The following ZNF217 variants were observed in gnomAD, a reference collection of about 807,000 sequenced individuals.
The protein encoded by ZNF217 is zinc finger protein 217.
Under a neutral mutation model 73.3 loss-of-function variants are expected in ZNF217, and 12 were observed. That is an observed-to-expected ratio of 0.16 (90% CI 0.10 to 0.27). The LOEUF is 0.27. Among genes scored for constraint, ZNF217 ranks in the 10% least tolerant of loss-of-function variants. The probability of loss-of-function intolerance (pLI) is 1.00; values close to 1 mark genes in which losing one functional copy is unlikely to be tolerated. For missense variants in ZNF217, 1,195 were observed against 1,327.8 expected (o/e 0.90, Z 1.55); for synonymous variants, 588 against 516.4 (o/e 1.14, Z -1.88).
intron 4 of ZNF217, among the ~76,000 whole-genome samples, chr20:53,573,260 A>G (rs949465798): frequency 6.6e-6 from 1 of 151,714 alleles, no homozygotes; most frequent in Non-Finnish European, 1.5e-5. Context: ...AGTAGCTGGG[A>G]TTACAGGCAT....
intron 1 of ZNF217, among the ~76,000 whole-genome samples, chr20:53,592,336 G>C (rs1398401750): frequency 6.6e-6 from 1 of 151,646 alleles, no homozygotes; most frequent in African/African-American, 2.4e-5. Flanking sequence ...TTTCGAGGTA[G>C]AACAATACAC....
intron 5 of ZNF217, chr20:53,570,401 G>GTA (rs1194994771): frequency 2.0e-5 from 3 of 152,938 alleles, no homozygotes; most frequent in African/African-American, 7.2e-5. Context: ...TTTCATCTTC[G>GTA]TATCCTAGCA....
rs1032480163 is a variant in ZNF217 at position 53,582,686 on chromosome 20, T to A, written c.141A>T (p.Pro47=). ...ALSMKGTAVV[P]FRATQEKNVI... is the part of the protein sequence containing the mutation. ...CATTTTTTTCTTGTGTAGCTCGGAA[T>A]GGAACAACAGCGGTCCCTTTCATTG... The change falls in exon 2 of 6, where the codon CCA becomes CCT. Residue 47 remains proline (P), a synonymous_variant. Coordinates refer to ENST00000371471, the MANE Select transcript of ZNF217 (RefSeq NM_006526.3). The surrounding 1 kb of genome is among the most constrained non-coding windows in gnomAD (Gnocchi z 4.8). 1.2e-6 allele frequency: 2 copies of A among 1,614,202 alleles called. No homozygotes were observed. Among genetic ancestry groups the A allele is most frequent in the Non-Finnish European group, 8.5e-7 (1 of 1,180,030 alleles).
upstream of ZNF217, among the ~76,000 whole-genome samples, chr20:53,594,561 C>T (rs1444108799): frequency 6.6e-6 from 1 of 151,808 alleles, no homozygotes; most frequent in Non-Finnish European, 1.5e-5. Flanking sequence ...CCCCCCGCCC[C>T]GCACCCCTCC....
upstream of ZNF217, among the ~76,000 whole-genome samples, chr20:53,596,411 C>T (rs1989043278): frequency 6.6e-6 from 1 of 152,144 alleles, no homozygotes; most frequent in Non-Finnish European, 1.5e-5. Flanking sequence ...ACTGGGAAAT[C>T]GTTGCAAAAT....
Position 53,576,773 on chromosome 20 carries a change from T to C in ZNF217, c.1991A>G (p.Lys664Arg), listed in dbSNP as rs1393197465. 1 of 1,614,218 alleles carries C rather than the reference T, an allele frequency of 6.2e-7. No homozygotes were observed. The highest frequency in any genetic ancestry group is 1.7e-5 in the Admixed American group (1 of 60,024). The change falls in exon 4 of 6, where the codon AAA (lysine) becomes AGA (arginine). Residue 664 changes from lysine to arginine, a missense_variant. This residue lies in a region of ZNF217 where 649 missense variants were observed against 642.8 expected (regional missense o/e 1.01). Transcript: ENST00000371471. ...AGCTGCGGTCTCCGTTTGCTTCTCT[T>C]TGGGGCTAACTTCAAGGTTATGGGT... is the stretch of plus-strand genomic sequence containing the variant. ...STTHNLEVSP[K>R]EKQTETAADC...
chr20:53,582,464 C>A lies in ZNF217; in HGVS notation c.363G>T (p.Lys121Asn), dbSNP rs776939575. 1.9e-6 allele frequency: 3 copies of A among 1,614,180 alleles called. No individual in the cohort carries two copies. Among genetic ancestry groups the A allele is most frequent in the African/African-American group, 1.3e-5 (1 of 75,042 alleles). The change falls in exon 2 of 6, where the codon AAG becomes AAT. Residue 121 changes from lysine to asparagine, a missense_variant. Transcript: ENST00000371471. This position sits in a 1 kb window ranked among gnomAD's most constrained non-coding sequence, Gnocchi z 4.8. ...SQVRTEPPKE[K>N]NCKENEFSCE... ...AGCTAAATTCATTTTCCTTGCAATT[C>A]TTTTCCTTGGGAGGTTCTGTTCGCA...
In ZNF217 at chr20:53,576,551, T is replaced by C; in HGVS notation, c.2213A>G (p.Asp738Gly). ...HQRLEHKYNP[D>G]VHKNCRNKSL... ...CTTGTTTCGACAGTTTTTATGAACG[T>C]CAGGATTGTATTTATGCTCCAGTCT... Residue 738 changes from aspartate (D) to glycine (G), a missense_variant, in exon 4 of 6, where the codon GAC becomes GGC. This residue lies in a region of ZNF217 where 649 missense variants were observed against 642.8 expected (regional missense o/e 1.01). Transcript: ENST00000371471. 1 of 1,614,230 alleles carries C rather than the reference T, an allele frequency of 6.2e-7. No homozygotes were observed. Among genetic ancestry groups the C allele is most frequent in the Non-Finnish European group, 8.5e-7 (1 of 1,180,044 alleles).
At chr20:53,577,768 G>A (rs1396456386) in intron 3 of ZNF217, among the ~76,000 whole-genome samples, 1 of 152,294 alleles carries the variant, frequency 6.6e-6, no homozygotes, top group East Asian at 1.9e-4. Context: ...CTTTTAATAA[G>A]ATAAGAGTCA....
intron 1 of ZNF217, among the ~76,000 whole-genome samples, chr20:53,584,395 C>T (rs3762235): frequency 0.11 from 16,231 of 152,234 alleles, 893 homozygotes; most frequent in South Asian, 0.18. Context: ...CTTTACACTC[C>T]GAAATAGAAA....
chr20:53,577,592 G>C (rs961113182), intron 3 of ZNF217, among the ~76,000 whole-genome samples: 1 of 152,138 alleles, frequency 6.6e-6, no homozygotes. Context: ...TAAATAACTT[G>C]CCCAAGGGTG....
At chr20:53,586,526 G>A (rs887360315) in intron 1 of ZNF217, among the ~76,000 whole-genome samples, 1 of 151,894 alleles carries the variant, frequency 6.6e-6, no homozygotes, top group Non-Finnish European at 1.5e-5. Flanking sequence ...CAAAAATGCT[G>A]GGCATCCTAG....
Position 53,576,991 on chromosome 20 carries a change from G to A in ZNF217, c.1773C>T (p.Val591=), listed in dbSNP as rs1184943261. ...SVFQNVLGSA[V]LSPAHKDTQD... ...GAGTATCTTTGTGTGCTGGTGAGAGGACAGCGCTGCCCAGAACATTCTGAA... is the reference window on the plus strand; with the variant it reads ...GAGTATCTTTGTGTGCTGGTGAGAGAACAGCGCTGCCCAGAACATTCTGAA... Residue 591 remains valine, a synonymous_variant, in exon 4 of 6, where the codon GTC becomes GTT. Coordinates refer to ENST00000371471, the MANE Select transcript of ZNF217 (RefSeq NM_006526.3). 1.9e-6 allele frequency: 3 copies of A among 1,614,072 alleles called. No homozygotes were observed. Among genetic ancestry groups the A allele is most frequent in the African/African-American group, 2.7e-5 (2 of 74,932 alleles).
At position 53,582,859 on chromosome 20, in the gene ZNF217, A is replaced by ATTCC. The variant is rs763773029; in HGVS notation, c.-34_-33insGGAA. ...CAAAGTTCCGTTGGGCAATTTCTGG[A>ATTCC]GTTGGAATAAGGCCACTTGTAAGAC... On this transcript the variant is annotated 5_prime_UTR_variant, in exon 2 of 6. Coordinates refer to ENST00000371471, the MANE Select transcript of ZNF217 (RefSeq NM_006526.3). This position sits in a 1 kb window ranked among gnomAD's most constrained non-coding sequence, Gnocchi z 4.8. 11 of 1,562,556 alleles carry ATTCC rather than the reference A, an allele frequency of 7.0e-6. No homozygotes were observed. In the South Asian group the frequency reaches 1.3e-4, roughly 19 times the overall value.
At chr20:53,588,155 C>G (rs376072048) in intron 1 of ZNF217, among the ~76,000 whole-genome samples, 209 of 151,976 alleles carry the variant, frequency 1.4e-3, no homozygotes, top group East Asian at 2.1e-3. Context: ...GACCAAAGTA[C>G]TATAAAAATA....
At chr20:53,583,870 G>A (rs1402457029) in intron 1 of ZNF217, among the ~76,000 whole-genome samples, 4 of 152,200 alleles carry the variant, frequency 2.6e-5, no homozygotes, top group Admixed American at 6.5e-5. Flanking sequence ...TGCTTTCAAC[G>A]ACTTTCTGCC....
chr20:53,577,823 C>T (rs1223698800), intron 3 of ZNF217, among the ~76,000 whole-genome samples: 4 of 152,202 alleles, frequency 2.6e-5, no homozygotes, highest in Admixed American at 6.5e-5. Flanking sequence ...TGTCCGGGCG[C>T]GGTGGCTCAC....
rs1251952232 is a variant in ZNF217, at chr20:53,567,958, A to G, written c.*1330T>C. ...AAAATATTTTGTGGTCACTAAGCCC[A>G]TGTACTAATAAACTCAGCCATGGAC... On this transcript the variant is annotated 3_prime_UTR_variant, in exon 6 of 6. Coordinates refer to ENST00000371471, the MANE Select transcript of ZNF217 (RefSeq NM_006526.3). The G allele has an allele frequency of 6.5e-6, 1 of 152,676 alleles. No individual in the cohort carries two copies. The highest frequency in any genetic ancestry group is 1.5e-5 in the Non-Finnish European group (1 of 68,052). The allele number at this position is 152,676 out of a possible 1,614,324, so 9.5% of individuals were successfully genotyped here. A position where few individuals can be genotyped will look rare whatever the true frequency, so the allele number is the denominator to read the frequency against.
chr20:53,569,211 AG>A lies in ZNF217; in HGVS notation c.*76del. ...GTAGCTTTCACCATTCGCTTCTCAA[AG>A]GATGAAGTAAAATTTAATTTCATGG... is the stretch of plus-strand genomic sequence containing the variant. On this transcript the variant is annotated 3_prime_UTR_variant, in exon 6 of 6. Transcript: ENST00000371471. 1 of 1,351,482 alleles carries A rather than the reference AG, an allele frequency of 7.4e-7. No individual in the cohort carries two copies. The highest frequency in any genetic ancestry group is 9.9e-7 in the Non-Finnish European group (1 of 1,014,358). The allele number at this position is 1,351,482 out of a possible 1,614,324, so 83.7% of individuals were successfully genotyped here. A position where few individuals can be genotyped will look rare whatever the true frequency, so the allele number is the denominator to read the frequency against.
Sources: gnomAD v4.1 joint callset for allele counts (sites outside exome capture counted in the v4.1 genomes callset) on GRCh38, gnomAD v4.1.1 for gene constraint, gnomAD v4.1.1 regional missense constraint, Gnocchi (gnomAD v3.1) non-coding constraint, MANE v1.5 for transcripts, NCBI Gene and HGNC (gene_info 2026-07-23, HGNC 2026-07-21) for gene names.